Variants in CASK observed in about 807,000 individuals in gnomAD.
The protein encoded by CASK is calcium/calmodulin dependent serine protein kinase.
In CASK, 4 loss-of-function variants were observed where a neutral mutation model predicts 82.9. The ratio of observed to expected loss-of-function variants is 0.05; its 90% CI spans 0.02 to 0.11. CASK has a LOEUF of 0.11. Among genes scored for constraint, CASK ranks in the 10% least tolerant of loss-of-function variants. The pLI, the probability that CASK is intolerant of heterozygous loss-of-function variation, is 1.00. For missense variants in CASK, 358 were observed against 720.9 expected (o/e 0.50, Z 5.76); for synonymous variants, 259 against 253.5 (o/e 1.02, Z -0.20).
At chrX:41,573,998 G>A (rs773082404) in intron 15 of CASK, among the ~76,000 whole-genome samples, 1 of 111,436 alleles carries the variant, frequency 9.0e-6, no homozygotes, top group East Asian at 2.8e-4. Flanking sequence ...TAGTGCAGGC[G>A]CTGTTCCTTC....
intron 22 of CASK, among the ~76,000 whole-genome samples, chrX:41,536,567 GAAAC>G (rs774584654): frequency 1.8e-5 from 2 of 111,393 alleles, no homozygotes; most frequent in East Asian, 2.8e-4. Flanking sequence ...GAATAGAACA[GAAAC>G]AAACAAACAA....
rs191702933 is a variant in CASK at position 41,773,469 on chromosome X, C to G, written c.278+13709G>C. 1.1e-3 allele frequency among the ~76,000 whole-genome samples: 124 copies of G among 110,495 alleles called. No homozygotes were observed. In the Middle Eastern group the frequency reaches 0.028, roughly 25 times the overall value. On this transcript the variant is annotated intron_variant, in intron 3 of 26. Coordinates refer to ENST00000378163, the MANE Select transcript of CASK (RefSeq NM_001367721.1). ...AATATGTAAAAAGGATTATGAAGAT[C>G]ATAAATCATGACCAGGTTTGGTTAA... is the stretch of plus-strand genomic sequence containing the variant.
intron 1 of CASK, among the ~76,000 whole-genome samples, chrX:41,919,601 C>T (rs1049156417): frequency 2.7e-5 from 3 of 112,119 alleles, no homozygotes; most frequent in African/African-American, 6.5e-5. Context: ...ATTTGCATAA[C>T]GCCCTTCCTT....
chrX:41,809,923 C>T lies in CASK; in HGVS notation c.173-22640G>A, dbSNP rs181734981. Among the ~76,000 whole-genome samples the T allele has an allele frequency of 1.5e-3, 171 of 112,084 alleles. 2 individuals carry two copies. Among genetic ancestry groups the T allele is most frequent in the African/African-American group, 4.9e-3 (151 of 30,884 alleles). On this transcript the variant is annotated intron_variant, in intron 2 of 26. Coordinates refer to ENST00000378163, the MANE Select transcript of CASK (RefSeq NM_001367721.1). ...CCTGATGGAGCTGAAAATCATGGCA[C>T]GAGAACTACGTGACAAATGCACAAG...
chrX:41,611,729 C>T (rs1226036501), intron 11 of CASK, among the ~76,000 whole-genome samples: 1 of 100,839 alleles, frequency 9.9e-6, no homozygotes, highest in African/African-American at 3.6e-5. Flanking sequence ...TCTCTTTCCA[C>T]GGTCTCCCTC....
At chrX:41,687,180 G>A in intron 5 of CASK, among the ~76,000 whole-genome samples, 1 of 112,127 alleles carries the variant, frequency 8.9e-6, no homozygotes, top group Non-Finnish European at 1.9e-5. Flanking sequence ...ATATGAAATA[G>A]AATGCACGTA....
intron 5 of CASK, among the ~76,000 whole-genome samples, chrX:41,697,455 T>C (rs780748566): frequency 1.8e-5 from 2 of 112,442 alleles, no homozygotes; most frequent in South Asian, 7.3e-4. Context: ...TAAAGTAACA[T>C]TGAACATGCA....
chrX:41,624,248 G>A (rs1484800608), intron 10 of CASK: 1 of 350,926 alleles, frequency 2.8e-6, no homozygotes, highest in Admixed American at 2.8e-5. Context: ...AAAATGGAGT[G>A]GAAGAAAAGA....
At chrX:41,622,963 C>T (rs1307502462) in intron 10 of CASK, among the ~76,000 whole-genome samples, 1 of 106,452 alleles carries the variant, frequency 9.4e-6, no homozygotes. Context: ...TCATTGCAAA[C>T]TCTGCCTCCT....
At chrX:41,756,347 C>CCAGG (rs1220416312) in intron 3 of CASK, among the ~76,000 whole-genome samples, 3 of 112,031 alleles carry the variant, frequency 2.7e-5, no homozygotes, top group African/African-American at 9.7e-5. Flanking sequence ...CTTATGTGGA[C>CCAGG]CAGGATATGT....
At chrX:41,531,640 T>G (rs2064805369) in intron 24 of CASK, among the ~76,000 whole-genome samples, 1 of 112,360 alleles carries the variant, frequency 8.9e-6, no homozygotes, top group African/African-American at 3.2e-5. Flanking sequence ...AAATTCAAAT[T>G]TTAGTTTCTC....
intron 5 of CASK, chrX:41,728,112 T>C (rs2068301527): frequency 2.1e-6 from 1 of 465,364 alleles, no homozygotes. Flanking sequence ...ACTACATCAT[T>C]AACATGTCAC....
intron 1 of CASK, among the ~76,000 whole-genome samples, chrX:41,918,197 T>C (rs780090914): frequency 8.9e-6 from 1 of 112,550 alleles, no homozygotes; most frequent in African/African-American, 3.2e-5. Flanking sequence ...AAATTCTCCC[T>C]ATGGTACTAG....
At chrX:41,856,029 A>G (rs950092526) in intron 1 of CASK, among the ~76,000 whole-genome samples, 4 of 112,335 alleles carry the variant, frequency 3.6e-5, no homozygotes, top group African/African-American at 1.3e-4. Flanking sequence ...AAAGAATTCA[A>G]TTATGTCCCT....
chrX:41,520,894 CCCAGAGTCAGGCTTGGTAGGGCCATG>C (rs761900699), intron 26 of CASK, among the ~76,000 whole-genome samples: 57 of 112,204 alleles, frequency 5.1e-4, no homozygotes, highest in African/African-American at 1.7e-3. Context: ...TGTGCCTGTC[CCCAGAGTCAGGCTTGGTAGGGCCATG>C]CCAGGTGTGG....
chrX:41,716,035 A>C lies in CASK; in HGVS notation c.429+23349T>G, dbSNP rs139433426. Among the ~76,000 whole-genome samples, 370 of 112,196 alleles carry C rather than the reference A, an allele frequency of 3.3e-3. 3 individuals carry two copies. The highest frequency in any genetic ancestry group is 0.011 in the African/African-American group (346 of 30,883). The stretch of plus-strand genomic sequence containing the variant: ...GAATACCATAAAAAAGCCAGAACAG[A>C]AGATATTGCACATATTTGGAGAGCT... On this transcript the variant is annotated intron_variant, in intron 5 of 26. Transcript: ENST00000378163.
intron 3 of CASK, among the ~76,000 whole-genome samples, chrX:41,779,335 G>C (rs1299253096): frequency 1.8e-5 from 2 of 112,001 alleles, no homozygotes; most frequent in Non-Finnish European, 3.8e-5. Flanking sequence ...TCATTGCTGG[G>C]GAGACCCTTG....
chrX:41,821,860 A>G (rs2147905504), intron 2 of CASK, among the ~76,000 whole-genome samples: 1 of 111,799 alleles, frequency 8.9e-6, no homozygotes, highest in African/African-American at 3.3e-5. Flanking sequence ...GTGTAAGCCA[A>G]AGTTCCCAGG....
At chrX:41,637,683 G>A (rs914709957) in intron 8 of CASK, among the ~76,000 whole-genome samples, 5 of 109,060 alleles carry the variant, frequency 4.6e-5, no homozygotes, top group South Asian at 4.1e-4. Context: ...TCATTCTGTC[G>A]CCCAGGCTGG....
Sources: gnomAD v4.1 joint callset for allele counts (sites outside exome capture counted in the v4.1 genomes callset) on GRCh38, gnomAD v4.1.1 for gene constraint, MANE v1.5 for transcripts, NCBI Gene and HGNC (gene_info 2026-07-23, HGNC 2026-07-21) for gene names.